CCDC93: variants seen among roughly 807,000 people sequenced by gnomAD.
CCDC93 encodes the protein coiled-coil domain-containing protein 93.
In CCDC93, 61 loss-of-function variants were observed where a neutral mutation model predicts 108.2. The observed-to-expected ratio is 0.56, with a 90% CI of 0.46 to 0.70. The LOEUF is 0.70. CCDC93 is among the 30% of genes least tolerant of loss of function. The pLI is 0.00. For missense variants in CCDC93, 685 were observed against 764.2 expected (o/e 0.90, Z 1.22); for synonymous variants, 276 against 260.4 (o/e 1.06, Z -0.58).
chr2:117,984,185 A>G (rs1202705124), intron 7 of CCDC93, among the ~76,000 whole-genome samples: 2 of 152,174 alleles, frequency 1.3e-5, no homozygotes. Flanking sequence ...AAAAAGCTAA[A>G]AAAACAAAAT....
At chr2:118,007,710 C>T (rs1676916084) in intron 2 of CCDC93, among the ~76,000 whole-genome samples, 1 of 152,118 alleles carries the variant, frequency 6.6e-6, no homozygotes, top group Non-Finnish European at 1.5e-5. Context: ...TAAATCTTAC[C>T]CCTGGCTGCT....
chr2:117,948,605 A>G (rs999578410), intron 14 of CCDC93, among the ~76,000 whole-genome samples: 3 of 152,244 alleles, frequency 2.0e-5, no homozygotes, highest in African/African-American at 7.2e-5. Flanking sequence ...TAAAAATATC[A>G]ACTATCTGAC....
At chr2:117,947,067 G>A (rs1335049925) in intron 15 of CCDC93, among the ~76,000 whole-genome samples, 185 bp from the exon 16 acceptor site, 1 of 152,198 alleles carries the variant, frequency 6.6e-6, no homozygotes, top group African/African-American at 2.4e-5. Context: ...GGAGGCTACA[G>A]GCAGCTATTC....
At chr2:118,001,187 A>G (rs931449592) in intron 3 of CCDC93, 1 of 347,984 alleles carries the variant, frequency 2.9e-6, no homozygotes. Context: ...TGGATGTAAA[A>G]TATTTTGTGA....
chr2:117,959,391 C>A (rs1344256674), intron 11 of CCDC93, among the ~76,000 whole-genome samples: 1 of 152,134 alleles, frequency 6.6e-6, no homozygotes, highest in Non-Finnish European at 1.5e-5. Flanking sequence ...TAGTAAGTAC[C>A]CCAATTCCAA....
chr2:117,932,217 G>C (rs1408493031), intron 22 of CCDC93, among the ~76,000 whole-genome samples: 1 of 152,188 alleles, frequency 6.6e-6, no homozygotes, highest in African/African-American at 2.4e-5. Flanking sequence ...TACAGACCGG[G>C]TGCCTGACTC....
intron 18 of CCDC93, 91 bp from the exon 19 acceptor site, chr2:117,941,388 T>C (rs370679737): frequency 3.0e-5 from 28 of 942,692 alleles, no homozygotes; most frequent in Middle Eastern, 4.2e-4. Context: ...CACCCCGACC[T>C]GAGCCCAACC....
At chr2:117,936,681 A>G in intron 21 of CCDC93, 21 bp downstream of exon 21, 1 of 1,601,154 alleles carries the variant, frequency 6.2e-7, no homozygotes, top group Non-Finnish European at 8.6e-7. Context: ...ATTAGTGGGA[A>G]GGAGGACTGA....
chr2:118,013,912 T>A, intron 1 of CCDC93, 42 bp downstream of exon 1: 3 of 1,528,918 alleles, frequency 2.0e-6, no homozygotes, highest in Non-Finnish European at 1.8e-6. Flanking sequence ...GGCCCTCTCT[T>A]CAGGAACCCC....
chr2:117,960,752 C>T (rs1309044531), intron 11 of CCDC93, among the ~76,000 whole-genome samples: 3 of 152,130 alleles, frequency 2.0e-5, no homozygotes, highest in Non-Finnish European at 2.9e-5. Flanking sequence ...GTCTCAGAGG[C>T]CAAATACCTT....
chr2:117,938,425 C>A (rs1222882654), intron 20 of CCDC93, among the ~76,000 whole-genome samples: 1 of 152,100 alleles, frequency 6.6e-6, no homozygotes, highest in African/African-American at 2.4e-5. Context: ...AAGAGATATA[C>A]CTAATGCTAG....
At chr2:117,942,817 G>C (rs1678743750) in intron 18 of CCDC93, among the ~76,000 whole-genome samples, 1 of 152,116 alleles carries the variant, frequency 6.6e-6, no homozygotes, top group African/African-American at 2.4e-5. Flanking sequence ...GCACTCCTTG[G>C]ACATTTCAAT....
At chr2:118,010,924 CTAAG>C (rs1472240854) in intron 1 of CCDC93, among the ~76,000 whole-genome samples, 1 of 152,198 alleles carries the variant, frequency 6.6e-6, no homozygotes, top group Non-Finnish European at 1.5e-5. Context: ...GTACATATAA[CTAAG>C]TATCAACTAT....
At chr2:117,926,977 A>G (rs1678131267) in intron 23 of CCDC93, among the ~76,000 whole-genome samples, 1 of 152,212 alleles carries the variant, frequency 6.6e-6, no homozygotes, top group Non-Finnish European at 1.5e-5. Flanking sequence ...ATGCAAATCA[A>G]TAAACATAAT....
intron 7 of CCDC93, among the ~76,000 whole-genome samples, chr2:117,984,725 C>A (rs538603902): frequency 2.0e-5 from 3 of 152,172 alleles, no homozygotes; most frequent in Non-Finnish European, 2.9e-5. Context: ...TTCTGGGACA[C>A]GTGACACCCA....
intron 17 of CCDC93, chr2:117,944,662 A>C (rs1168073580): frequency 2.2e-6 from 1 of 463,712 alleles, no homozygotes; most frequent in Non-Finnish European, 4.5e-6. Context: ...AGAGAAAGTT[A>C]CAAAAGGGGT....
At chr2:118,009,815 C>T (rs1676975934) in intron 1 of CCDC93, among the ~76,000 whole-genome samples, 1 of 152,152 alleles carries the variant, frequency 6.6e-6, no homozygotes, top group Non-Finnish European at 1.5e-5. Flanking sequence ...AGGCTTCCAA[C>T]CCAGATACAT....
chr2:117,931,458 G>A (rs576250495), intron 22 of CCDC93: 3 of 292,072 alleles, frequency 1.0e-5, no homozygotes, highest in Admixed American at 5.0e-5. Flanking sequence ...CCACCCGGCA[G>A]TGTCTGGAGA....
intron 11 of CCDC93, among the ~76,000 whole-genome samples, chr2:117,959,863 G>A (rs1053589110): frequency 6.6e-6 from 1 of 152,176 alleles, no homozygotes; most frequent in East Asian, 1.9e-4. Flanking sequence ...ATTAATTTTG[G>A]ACGCACCAAG....
Sources: gnomAD v4.1 joint callset for allele counts (sites outside exome capture counted in the v4.1 genomes callset) on GRCh38, gnomAD v4.1.1 for gene constraint, MANE v1.5 for transcripts, NCBI Gene and HGNC (gene_info 2026-07-23, HGNC 2026-07-21) for gene names.